HM13: variants seen among roughly 807,000 people sequenced by gnomAD.
HM13 encodes signal peptide peptidase.
A neutral mutation model predicts 50.0 loss-of-function variants in HM13; 18 were observed. That is an observed-to-expected ratio of 0.36 (90% CI 0.25 to 0.53). The LOEUF (loss-of-function observed/expected upper bound fraction) is 0.53, where lower values mean the gene tolerates loss of function less well. Among genes scored for constraint, HM13 ranks in the 20% least tolerant of loss-of-function variants. The pLI is 0.90. For missense variants in HM13, 393 were observed against 552.4 expected (o/e 0.71, Z 2.89); for synonymous variants, 197 against 232.6 (o/e 0.85, Z 1.39).
rs569509009 is a variant in HM13, at chr20:31,515,067, C to G, written c.183+333C>G. The stretch of plus-strand genomic sequence containing the variant: ...CACTGCGACTCGGGCACTGATTGTT[C>G]TGAGCCTGTTGGGCCCAGGCAGATC... On this transcript the variant is annotated intron_variant, in intron 1 of 12. Coordinates refer to ENST00000398174, the MANE Select transcript of HM13 (RefSeq NM_178581.3). 3.7e-4 allele frequency among the ~76,000 whole-genome samples: 57 copies of G among 152,358 alleles called. 1 individual carries two copies. Among genetic ancestry groups the G allele is most frequent in the Non-Finnish European group, 5.3e-4 (36 of 68,040 alleles).
chr20:31,533,269 G>T (rs1233055567), intron 2 of HM13, among the ~76,000 whole-genome samples: 1 of 152,202 alleles, frequency 6.6e-6, no homozygotes, highest in African/African-American at 2.4e-5. Context: ...TTGGGAGGCC[G>T]AGGCGGGCAG....
intron 10 of HM13, among the ~76,000 whole-genome samples, chr20:31,565,535 C>T (rs573708693): frequency 2.0e-5 from 3 of 151,944 alleles, no homozygotes; most frequent in Admixed American, 2.0e-4. Flanking sequence ...TATTTTCCCT[C>T]TCCTTGTGAA....
chr20:31,550,274 T>G, intron 7 of HM13, 153 bp downstream of exon 7: 47 of 628,936 alleles, frequency 7.5e-5, no homozygotes, highest in Admixed American at 6.7e-5. Flanking sequence ...CCTCAATTGA[T>G]TCATCTGGCT....
chr20:31,553,171 C>T (rs899503767), intron 7 of HM13, among the ~76,000 whole-genome samples: 2 of 138,784 alleles, frequency 1.4e-5, no homozygotes, highest in Non-Finnish European at 3.0e-5. Context: ...TGGCGCATGC[C>T]TGTAATTTCA....
chr20:31,515,012 C>T (rs112836625), intron 1 of HM13, among the ~76,000 whole-genome samples: 4 of 152,296 alleles, frequency 2.6e-5, no homozygotes, highest in East Asian at 3.9e-4. Flanking sequence ...TGCATCATGC[C>T]GCGGCTGGGA....
intron 2 of HM13, among the ~76,000 whole-genome samples, chr20:31,531,519 C>T (rs1255236476): frequency 6.6e-6 from 1 of 152,046 alleles, no homozygotes; most frequent in African/African-American, 2.4e-5. Flanking sequence ...GTCTCAGCCT[C>T]CTAAGTATTT....
intron 11 of HM13, 90 bp from the exon 12 acceptor site, chr20:31,567,988 T>G: frequency 6.1e-6 from 7 of 1,154,480 alleles, no homozygotes; most frequent in Non-Finnish European, 8.5e-6. Flanking sequence ...ACAGTTCTGC[T>G]CTCTGCTCCT....
chr20:31,557,896 G>A (rs1344569465), intron 8 of HM13, among the ~76,000 whole-genome samples: 1 of 152,056 alleles, frequency 6.6e-6, no homozygotes, highest in African/African-American at 2.4e-5. Context: ...TAGTAGAGAC[G>A]GGGTTGCACC....
intron 8 of HM13, among the ~76,000 whole-genome samples, chr20:31,556,036 CTTTT>C (rs561024148): frequency 1.4e-5 from 2 of 138,000 alleles, no homozygotes; most frequent in Non-Finnish European, 1.6e-5. Context: ...ATTATTTCTC[CTTTT>C]TTTTTTTTTT....
At chr20:31,544,402 G>A (rs963002098) in intron 3 of HM13, among the ~76,000 whole-genome samples, 6 of 152,226 alleles carry the variant, frequency 3.9e-5, no homozygotes, top group African/African-American at 1.4e-4. Context: ...TGAATGTGAT[G>A]GTGATCCTGC....
In HM13 at chr20:31,554,015, G is replaced by A. The variant is rs147741285; in HGVS notation, c.725-731G>A. On this transcript the variant is annotated intron_variant, in intron 7 of 12. Transcript: ENST00000398174. Reference sequence around the variant, plus strand: ...ATAGCTATAAAAAGGCGTTGAAATTGTATGGTTATTTGAGTTATAGCTCAG... The same window carrying A: ...ATAGCTATAAAAAGGCGTTGAAATTATATGGTTATTTGAGTTATAGCTCAG... Among the ~76,000 whole-genome samples the A allele has an allele frequency of 4.6e-5, 7 of 152,206 alleles. No individual in the cohort carries two copies. The East Asian group carries it at 1.2e-3, about 25-fold the overall frequency.
chr20:31,521,854 C>CTTTTTTT (rs368753723), intron 1 of HM13, among the ~76,000 whole-genome samples: 16 of 120,618 alleles, frequency 1.3e-4, no homozygotes, highest in African/African-American at 4.6e-4. Context: ...GTCTCCCATT[C>CTTTTTTT]TTTTTTTTTT....
At chr20:31,548,176 C>A in intron 4 of HM13, 1 of 725,136 alleles carries the variant, frequency 1.4e-6, no homozygotes, top group Non-Finnish European at 2.4e-6. Flanking sequence ...TTAACAGATA[C>A]TTTATAGAAA....
Position 31,514,494 on chromosome 20 carries a change from G to C in HM13, c.-58G>C. On this transcript the variant is annotated 5_prime_UTR_variant, in exon 1 of 13. Coordinates refer to ENST00000398174, the MANE Select transcript of HM13 (RefSeq NM_178581.3). This position sits in a 1 kb window ranked among gnomAD's most constrained non-coding sequence, Gnocchi z 4.3. ...CTTTCCCTGCAGAGCCGGTGTCTCC[G>C]CCTGCGTCCCTGCTGCAGCAACCGG... is the stretch of plus-strand genomic sequence containing the variant. The C allele has an allele frequency of 6.5e-7, 1 of 1,549,758 alleles. No homozygotes were observed. The highest frequency in any genetic ancestry group is 1.2e-5 in the South Asian group (1 of 84,056).
rs766816227 is a variant in HM13 at position 31,514,802 on chromosome 20, T to G, written c.183+68T>G. The G allele has an allele frequency of 1.9e-4, 257 of 1,375,944 alleles. No individual in the cohort carries two copies. The highest frequency in any genetic ancestry group is 2.4e-4 in the Non-Finnish European group (248 of 1,049,068). 85.2% of individuals were successfully genotyped at this position (1,375,944 alleles called of 1,614,324 possible). A position where few individuals can be genotyped will look rare whatever the true frequency, so the allele number is the denominator to read the frequency against. ...GAACACGGCCGACATGGACCCTTCC[T>G]AGGCGGGACAGACACCTCTCCCCGG... is the stretch of plus-strand genomic sequence containing the variant. On this transcript the variant is annotated intron_variant, in intron 1 of 12. Transcript: ENST00000398174. The surrounding 1 kb of genome is among the most constrained non-coding windows in gnomAD (Gnocchi z 4.3).
chr20:31,517,523 C>T (rs1981869947), intron 1 of HM13, among the ~76,000 whole-genome samples: 1 of 152,106 alleles, frequency 6.6e-6, no homozygotes, highest in Non-Finnish European at 1.5e-5. Context: ...TCACTGAGCC[C>T]AGTCACCAAG....
chr20:31,561,612 T>C (rs1257872417), intron 9 of HM13, 22 bp from the exon 10 acceptor site: 5 of 1,536,566 alleles, frequency 3.3e-6, no homozygotes, highest in South Asian at 1.1e-5. Context: ...CCTCCTCCTC[T>C]TTCTTCACAC....
chr20:31,548,095 G>A, intron 4 of HM13: 2 of 1,203,456 alleles, frequency 1.7e-6, no homozygotes, highest in Non-Finnish European at 2.5e-6. Flanking sequence ...GATATTGATT[G>A]TGTCGTATGT....
At chr20:31,526,160 CT>C (rs543750641) in intron 1 of HM13, among the ~76,000 whole-genome samples, 43,804 of 142,508 alleles carry the variant, frequency 0.31, 10,232 homozygotes, top group African/African-American at 0.67. Context: ...GTCATAAATC[CT>C]TTTTTTTTTT....
Sources: allele counts gnomAD v4.1 joint callset (sites outside exome capture counted in the v4.1 genomes callset), GRCh38; gene constraint gnomAD v4.1.1; non-coding constraint Gnocchi (gnomAD v3.1); transcripts MANE v1.5; gene names NCBI Gene and HGNC (gene_info 2026-07-23, HGNC 2026-07-21).